Variants in TUBGCP4 observed in about 807,000 individuals in gnomAD.
TUBGCP4 encodes the protein gamma-tubulin complex component 4.
A neutral mutation model predicts 91.6 loss-of-function variants in TUBGCP4; 54 were observed. The observed-to-expected ratio is 0.59, with a 90% CI of 0.47 to 0.74. The LOEUF is 0.74. TUBGCP4 is among the 30% of genes least tolerant of loss of function. The pLI is 0.00. For missense variants in TUBGCP4, 593 were observed against 800.9 expected, an observed-to-expected ratio of 0.74 and a Z score of 3.13; for synonymous variants, 297 against 302.8, an observed-to-expected ratio of 0.98 and a Z score of 0.20.
intron 9 of TUBGCP4, among the ~76,000 whole-genome samples, chr15:43,393,797 T>G (rs957709605): frequency 7.9e-5 from 12 of 152,304 alleles, no homozygotes; most frequent in African/African-American, 1.4e-4. Flanking sequence ...TATGGCTGCA[T>G]AGTATTCCAT....
chr15:43,383,249 C>T, intron 6 of TUBGCP4, 54 bp from the exon 7 acceptor site: 1 of 1,477,352 alleles, frequency 6.8e-7, no homozygotes, highest in Non-Finnish European at 9.2e-7. Context: ...CTCTGTTTAT[C>T]CTGTAACAGT....
At chr15:43,395,215 C>G in intron 10 of TUBGCP4, 58 bp downstream of exon 10, 1 of 1,587,678 alleles carries the variant, frequency 6.3e-7, no homozygotes, top group South Asian at 1.1e-5. Context: ...GACTTGCATT[C>G]TCTGATGTTT....
At chr15:43,390,742 C>G (rs547465390) in intron 9 of TUBGCP4, among the ~76,000 whole-genome samples, 2 of 152,156 alleles carry the variant, frequency 1.3e-5, no homozygotes, top group East Asian at 3.9e-4. Context: ...CTCCTGACCT[C>G]AAGTGATCCA....
intron 16 of TUBGCP4, 47 bp downstream of exon 16, chr15:43,403,846 G>A (rs1253850595): frequency 7.0e-7 from 1 of 1,431,838 alleles, no homozygotes; most frequent in Non-Finnish European, 9.9e-7. Context: ...GACAGAGGTG[G>A]TTTTGCCAAT....
At chr15:43,373,940 C>T (rs1163310883) in intron 1 of TUBGCP4, among the ~76,000 whole-genome samples, 1 of 152,244 alleles carries the variant, frequency 6.6e-6, no homozygotes, top group African/African-American at 2.4e-5. Flanking sequence ...GCGTGAGCCA[C>T]TGCGCCCGGC....
At chr15:43,376,014 A>C in intron 1 of TUBGCP4, 84 bp from the exon 2 acceptor site, 1 of 1,566,916 alleles carries the variant, frequency 6.4e-7, no homozygotes, top group Non-Finnish European at 8.7e-7. Context: ...AGAAAACGAT[A>C]AATGTGTAGT....
At chr15:43,380,363 A>G (rs2044269360) in intron 6 of TUBGCP4, among the ~76,000 whole-genome samples, 200 bp downstream of exon 6, 1 of 152,210 alleles carries the variant, frequency 6.6e-6, no homozygotes. Context: ...TAGAGTGTTG[A>G]GTGACAAAGC....
chr15:43,399,971 C>T, intron 13 of TUBGCP4, 73 bp from the exon 14 acceptor site: 2 of 1,298,128 alleles, frequency 1.5e-6, no homozygotes, highest in East Asian at 5.0e-5. Flanking sequence ...GCACAAAGTC[C>T]TAGAGTCTGT....
rs529378860 is a variant in TUBGCP4, at chr15:43,387,323, T to A, written c.1014+993T>A. On this transcript the variant is annotated intron_variant, in intron 9 of 17. Coordinates refer to ENST00000564079, the MANE Select transcript of TUBGCP4 (RefSeq NM_014444.5). Reference sequence around the variant, plus strand: ...TGACCAGTAATTTTTCAAAGGAGCATATATGTTCTGTGGCTTATATTAACA... The same window carrying A: ...TGACCAGTAATTTTTCAAAGGAGCAAATATGTTCTGTGGCTTATATTAACA... Among the ~76,000 whole-genome samples the A allele has an allele frequency of 3.3e-5, 5 of 152,362 alleles. No homozygotes were observed. The East Asian group carries it at 7.7e-4, about 23-fold the overall frequency.
chr15:43,371,528 G>A (rs1241432348), intron 1 of TUBGCP4, 96 bp downstream of exon 1: 53 of 1,265,050 alleles, frequency 4.2e-5, no homozygotes, highest in Non-Finnish European at 5.7e-5. Flanking sequence ...AGCGAGCGGG[G>A]CTTCCAGGGC....
rs1371484845 is a variant in TUBGCP4 at position 43,398,142 on chromosome 15, C to T, written c.1381C>T (p.Pro461Ser). The change falls in exon 13 of 18, where the codon CCA (proline) becomes TCA (serine). Residue 461 changes from proline to serine, a missense_variant. Physicochemically the swap from Pro to Ser is moderately conservative, Grantham distance 74. Transcript: ENST00000564079. Reference sequence around the variant, plus strand: ...AGGTCTTTCCTACAAAGTACAGTGGCCACTACATATTCTCTTCACCCCAGC... The same window carrying T: ...AGGTCTTTCCTACAAAGTACAGTGGTCACTACATATTCTCTTCACCCCAGC... ...ALGLSYKVQW[P>S]LHILFTPAVL... is the part of the protein sequence containing the mutation. 1 of 1,613,828 alleles carries T rather than the reference C, an allele frequency of 6.2e-7. No homozygotes were observed.
chr15:43,382,820 TTTTG>T (rs768827415), intron 6 of TUBGCP4, among the ~76,000 whole-genome samples: 3 of 152,174 alleles, frequency 2.0e-5, no homozygotes, highest in Non-Finnish European at 2.9e-5. Context: ...CCATTCTGCA[TTTTG>T]TTTTAGTTTC....
rs775816285 is a variant in TUBGCP4 at position 43,395,102 on chromosome 15, C to G, written c.1015-5C>G. 1.2e-6 allele frequency: 2 copies of G among 1,614,122 alleles called. No individual in the cohort carries two copies. Among genetic ancestry groups the G allele is most frequent in the Non-Finnish European group, 8.5e-7 (1 of 1,180,014 alleles). ...TTGTCCCTGTTTTGTTGGTTGTTTT[C>G]ATAGCATCTCTGGAAGTTGATGGTA... is the stretch of plus-strand genomic sequence containing the variant. On this transcript the variant is annotated splice_polypyrimidine_tract_variant and splice_region_variant and intron_variant, in intron 9 of 17. Transcript: ENST00000564079.
Position 43,371,432 on chromosome 15 carries a change from G to C in TUBGCP4, c.78G>C (p.Gln26His). ...IFTWNKRSGL[Q>H]VSQDFPFLHP... ...CCTGGAACAAGCGGAGTGGCCTGCA[G>C]GTACTGTCCGGCGCAGAGCGCGGGA... Residue 26 changes from glutamine (Q) to histidine (H), a missense_variant and splice_region_variant, in exon 1 of 18, where the codon CAG becomes CAC. By Grantham distance (24) the Gln-to-His change is conservative. Coordinates refer to ENST00000564079, the MANE Select transcript of TUBGCP4 (RefSeq NM_014444.5). The C allele has an allele frequency of 6.2e-7, 1 of 1,614,098 alleles. No homozygotes were observed. The highest frequency in any genetic ancestry group is 8.5e-7 in the Non-Finnish European group (1 of 1,180,004).
chr15:43,407,785 A>G lies in TUBGCP4; in HGVS notation c.*2571A>G, dbSNP rs1463108961. ...TTAACAAATATACGTCCAGTGCTTC[A>G]CTTATGTTGACTCACCTCTTGAAGG... On this transcript the variant is annotated 3_prime_UTR_variant, in exon 18 of 18. Transcript: ENST00000564079. 2.5e-6 allele frequency: 2 copies of G among 812,126 alleles called. No individual in the cohort carries two copies. The highest frequency in any genetic ancestry group is 3.9e-6 in the Non-Finnish European group (2 of 515,422). 50.3% of individuals were successfully genotyped at this position (812,126 alleles called of 1,614,324 possible).
In TUBGCP4 at chr15:43,407,721, C is replaced by CA. The variant is rs1194039188; in HGVS notation, c.*2508dup. 1.8e-5 allele frequency: 15 copies of CA among 831,856 alleles called. No individual in the cohort carries two copies. Among genetic ancestry groups the CA allele is most frequent in the Non-Finnish European group, 2.8e-5 (15 of 541,612 alleles). 51.5% of individuals were successfully genotyped at this position (831,856 alleles called of 1,614,324 possible). A position where few individuals can be genotyped will look rare whatever the true frequency, so the allele number is the denominator to read the frequency against. ...CACTGCTACTGATCATGACCAAAGG[C>CA]AGAGTTATAATCACTATGTGCTGAC... is the stretch of plus-strand genomic sequence containing the variant. On this transcript the variant is annotated 3_prime_UTR_variant, in exon 18 of 18. Transcript: ENST00000564079.
At chr15:43,401,937 C>T in intron 15 of TUBGCP4, 87 bp downstream of exon 15, 1 of 1,497,788 alleles carries the variant, frequency 6.7e-7, no homozygotes, top group South Asian at 1.2e-5. Context: ...ACGAAACCAT[C>T]ATTAAGCAAT....
At position 43,398,146 on chromosome 15, in the gene TUBGCP4, T is replaced by C. The variant is rs978853825; in HGVS notation, c.1385T>C (p.Leu462Pro). Residue 462 changes from leucine to proline, a missense_variant, in exon 13 of 18, where the codon CTA (leucine) becomes CCA (proline). Coordinates refer to ENST00000564079, the MANE Select transcript of TUBGCP4 (RefSeq NM_014444.5). ...LGLSYKVQWP[L>P]HILFTPAVLE... ...CTTTCCTACAAAGTACAGTGGCCAC[T>C]ACATATTCTCTTCACCCCAGCTGTC... is the stretch of plus-strand genomic sequence containing the variant. The C allele has an allele frequency of 6.2e-7, 1 of 1,613,888 alleles. No individual in the cohort carries two copies. The highest frequency in any genetic ancestry group is 8.5e-7 in the Non-Finnish European group (1 of 1,179,818).
At position 43,405,199 on chromosome 15, in the gene TUBGCP4, T is replaced by A; in HGVS notation, c.1989-3T>A. On this transcript the variant is annotated splice_polypyrimidine_tract_variant and splice_region_variant and intron_variant, in intron 17 of 17. Coordinates refer to ENST00000564079, the MANE Select transcript of TUBGCP4 (RefSeq NM_014444.5). ...TTAATAAGGCTCTTTTTCTCTTTTG[T>A]AGTTTCGGGATGTGAAAATTTCTGG... The A allele has an allele frequency of 6.2e-7, 1 of 1,614,158 alleles. No individual in the cohort carries two copies.
Sources: allele counts gnomAD v4.1 joint callset (sites outside exome capture counted in the v4.1 genomes callset), GRCh38; gene constraint gnomAD v4.1.1; transcripts MANE v1.5; gene names NCBI Gene and HGNC (gene_info 2026-07-23, HGNC 2026-07-21).